Variants in NDUFAF2 observed in about 807,000 individuals in gnomAD.
The protein encoded by NDUFAF2 is NADH dehydrogenase [ubiquinone] 1 alpha subcomplex assembly factor 2.
In NDUFAF2, 13 loss-of-function variants were observed where a neutral mutation model predicts 22.8. The ratio of observed to expected loss-of-function variants is 0.57; its 90% CI spans 0.37 to 0.91. The LOEUF (loss-of-function observed/expected upper bound fraction) is 0.91. Ranked by LOEUF, NDUFAF2 falls within the 40% of genes least tolerant of loss-of-function variation. The pLI, the probability that NDUFAF2 is intolerant of heterozygous loss-of-function variation, is 0.01. For synonymous variants in NDUFAF2, 53 were observed against 64.2 expected, an observed-to-expected ratio of 0.83 and a Z score of 0.84; for missense variants, 162 against 195.2, an observed-to-expected ratio of 0.83 and a Z score of 1.01.
chr5:61,135,883 A>G (rs1448564415), intron 3 of NDUFAF2, among the ~76,000 whole-genome samples: 2 of 151,170 alleles, frequency 1.3e-5, no homozygotes, highest in Non-Finnish European at 2.9e-5. Flanking sequence ...AAGTGGATAT[A>G]GGAGCTTGAG....
chr5:61,040,284 ACACGCGCGCG>A (rs1212114266), intron 1 of NDUFAF2, among the ~76,000 whole-genome samples: 1 of 87,220 alleles, frequency 1.1e-5, no homozygotes, highest in Non-Finnish European at 2.3e-5. Flanking sequence ...ACACACACAC[ACACGCGCGCG>A]CGCGCGCGAA....
intron 1 of NDUFAF2, among the ~76,000 whole-genome samples, chr5:61,003,369 T>C (rs1751323310): frequency 2.6e-5 from 4 of 152,098 alleles, no homozygotes; most frequent in Admixed American, 2.0e-4. Context: ...AAATGTTTCT[T>C]TTTTATTACT....
chr5:61,127,381 T>C (rs1255868074), intron 3 of NDUFAF2, among the ~76,000 whole-genome samples: 1 of 151,992 alleles, frequency 6.6e-6, no homozygotes, highest in African/African-American at 2.4e-5. Context: ...GATGCAAAAA[T>C]CCTCAATAAA....
At chr5:61,005,601 T>G (rs146396291) in intron 1 of NDUFAF2, among the ~76,000 whole-genome samples, 1,970 of 152,306 alleles carry the variant, frequency 0.013, 30 homozygotes, top group Non-Finnish European at 0.017. Flanking sequence ...CAGCACCTGT[T>G]GTTTCCTGAT....
intron 1 of NDUFAF2, among the ~76,000 whole-genome samples, chr5:61,021,103 A>G (rs1379042042): frequency 6.7e-6 from 1 of 149,360 alleles, no homozygotes; most frequent in Non-Finnish European, 1.5e-5. Flanking sequence ...GTGGCATAGT[A>G]TTAGTTTCCT....
At chr5:61,102,840 T>C (rs1360543763) in intron 3 of NDUFAF2, among the ~76,000 whole-genome samples, 1 of 146,102 alleles carries the variant, frequency 6.8e-6, no homozygotes, top group Non-Finnish European at 1.6e-5. Context: ...GAACAAGCAC[T>C]CTGTAAGACA....
intron 1 of NDUFAF2, among the ~76,000 whole-genome samples, chr5:61,002,503 A>G (rs901674368): frequency 6.6e-6 from 1 of 152,160 alleles, no homozygotes; most frequent in African/African-American, 2.4e-5. Flanking sequence ...TCTCCTCAAC[A>G]TGAATAACTT....
intron 1 of NDUFAF2, among the ~76,000 whole-genome samples, chr5:61,069,321 G>A (rs1003232119): frequency 1.3e-5 from 2 of 152,106 alleles, no homozygotes; most frequent in African/African-American, 4.8e-5. Flanking sequence ...TCTATGCCCT[G>A]TAACACCATA....
intron 3 of NDUFAF2, among the ~76,000 whole-genome samples, chr5:61,135,008 C>T (rs1197816009): frequency 6.6e-6 from 1 of 151,522 alleles, no homozygotes; most frequent in Non-Finnish European, 1.5e-5. Flanking sequence ...TTTTATTTTA[C>T]ACACATATTT....
intron 1 of NDUFAF2, among the ~76,000 whole-genome samples, chr5:60,998,077 G>A (rs1751250558): frequency 6.6e-6 from 1 of 152,118 alleles, no homozygotes. Context: ...TTTGTAGCCA[G>A]CAAAATGAAA....
chr5:61,056,938 A>G (rs367865408), intron 1 of NDUFAF2, among the ~76,000 whole-genome samples: 1 of 120,120 alleles, frequency 8.3e-6, no homozygotes, highest in Non-Finnish European at 1.7e-5. Flanking sequence ...ATATATATAT[A>G]TATATATATA....
chr5:61,009,456 C>G (rs777034284), intron 1 of NDUFAF2, among the ~76,000 whole-genome samples: 5 of 152,014 alleles, frequency 3.3e-5, no homozygotes, highest in Admixed American at 6.6e-5. Context: ...TTGGACTGCC[C>G]AGATTTATAG....
intron 1 of NDUFAF2, among the ~76,000 whole-genome samples, chr5:61,024,976 C>T (rs1490777638): frequency 1.3e-5 from 2 of 151,970 alleles, no homozygotes; most frequent in African/African-American, 4.8e-5. Context: ...CCTTCTGCTT[C>T]TCTCCTGGCT....
At position 60,997,706 on chromosome 5, in the gene NDUFAF2, A is replaced by G. The variant is rs1281576222; in HGVS notation, c.127+52324A>G. On this transcript the variant is annotated intron_variant, in intron 1 of 3. Transcript: ENST00000296597. The stretch of plus-strand genomic sequence containing the variant: ...AAGGACTGCCATTTTACACCCATAA[A>G]CAAATAAAAGTTTTCAGGATCTGCT... Among the ~76,000 whole-genome samples, 4 of 152,342 alleles carry G rather than the reference A, an allele frequency of 2.6e-5. No homozygotes were observed. In the East Asian group the frequency reaches 7.7e-4, roughly 29 times the overall value.
chr5:60,963,800 G>A (rs1179557453), intron 1 of NDUFAF2, among the ~76,000 whole-genome samples: 2 of 152,210 alleles, frequency 1.3e-5, no homozygotes, highest in African/African-American at 4.8e-5. Context: ...GTTGAGATCA[G>A]AAGTGTTGGC....
In NDUFAF2 at chr5:60,981,528, CAAAG is replaced by C. The variant is rs1209807777; in HGVS notation, c.127+36149_127+36152del. On this transcript the variant is annotated intron_variant, in intron 1 of 3. Transcript: ENST00000296597. ...TGGTAATAATATGTACACAGGAAAA[CAAAG>C]AATACTGTCACACTGAAGTTATGGT... Among the ~76,000 whole-genome samples the C allele has an allele frequency of 4.6e-5, 7 of 152,042 alleles. No individual in the cohort carries two copies. The South Asian group carries it at 1.0e-3, about 23-fold the overall frequency.
At chr5:61,106,081 T>C (rs1195261087) in intron 3 of NDUFAF2, among the ~76,000 whole-genome samples, 1 of 151,418 alleles carries the variant, frequency 6.6e-6, no homozygotes, top group African/African-American at 2.5e-5. Context: ...TGCTAACCAA[T>C]AAATATAGAA....
intron 1 of NDUFAF2, among the ~76,000 whole-genome samples, chr5:60,982,934 C>G (rs1412391602): frequency 6.6e-6 from 1 of 151,892 alleles, no homozygotes. Context: ...ATGGCTGGGT[C>G]AAATGGTATT....
intron 3 of NDUFAF2, among the ~76,000 whole-genome samples, chr5:61,127,370 T>C (rs549744484): frequency 1.3e-4 from 20 of 152,194 alleles, no homozygotes; most frequent in Admixed American, 1.0e-3. Context: ...TGATGAACAT[T>C]GATGCAAAAA....
Sources: allele counts gnomAD v4.1 joint callset (sites outside exome capture counted in the v4.1 genomes callset), GRCh38; gene constraint gnomAD v4.1.1; transcripts MANE v1.5; gene names NCBI Gene and HGNC (gene_info 2026-07-23, HGNC 2026-07-21).